GBE1: variants seen among roughly 807,000 people sequenced by gnomAD.
GBE1 encodes the protein 1,4-alpha-glucan branching enzyme 1.
GBE1 carries 70 observed loss-of-function variants against 88.8 expected under a neutral mutation model. The ratio of observed to expected loss-of-function variants is 0.79; its 90% CI spans 0.65 to 0.96. The LOEUF is 0.96. Ranked by LOEUF, GBE1 falls within the 40% of genes least tolerant of loss-of-function variation. The pLI, the probability that GBE1 is intolerant of heterozygous loss-of-function variation, is 0.00. For synonymous variants in GBE1, 284 were observed against 300.1 expected (o/e 0.95, Z 0.56); for missense variants, 872 against 871.0 (o/e 1.00, Z -0.01).
intron 14 of GBE1, among the ~76,000 whole-genome samples, chr3:81,533,772 G>GT (rs1187809972): frequency 1.3e-5 from 2 of 152,072 alleles, no homozygotes; most frequent in Non-Finnish European, 1.5e-5. Flanking sequence ...TGCTAAAGAA[G>GT]TAAGTTTATT....
chr3:81,675,530 T>C lies in GBE1; in HGVS notation c.314-4577A>G, dbSNP rs112321932. Among the ~76,000 whole-genome samples the C allele has an allele frequency of 2.2e-4, 34 of 152,166 alleles. 1 individual carries two copies. Among genetic ancestry groups the C allele is most frequent in the African/African-American group, 7.2e-4 (30 of 41,568 alleles). On this transcript the variant is annotated intron_variant, in intron 2 of 15. Coordinates refer to ENST00000429644, the MANE Select transcript of GBE1 (RefSeq NM_000158.4). ...TACTATTATTAGTGTCTACAGATAA[T>C]ATTCTCTATGATATTCACACCGAAA...
intron 3 of GBE1, among the ~76,000 whole-genome samples, chr3:81,665,603 T>C (rs1705104088): frequency 1.3e-5 from 2 of 152,018 alleles, no homozygotes; most frequent in Non-Finnish European, 1.5e-5. Context: ...CTTGTAAACA[T>C]TTTCTTTCTA....
intron 2 of GBE1, among the ~76,000 whole-genome samples, chr3:81,675,699 C>T (rs1705242516): frequency 6.6e-6 from 1 of 151,988 alleles, no homozygotes; most frequent in South Asian, 2.1e-4. Flanking sequence ...CATTATCTAC[C>T]ATAACCTAGA....
At chr3:81,542,629 CATTTCAATACCATATAATGGT>C (rs1703156604) in intron 12 of GBE1, among the ~76,000 whole-genome samples, 2 of 151,880 alleles carry the variant, frequency 1.3e-5, no homozygotes, top group African/African-American at 4.8e-5. Context: ...AAATATTTGT[CATTTCAATACCATATAATGGT>C]ATTGAAAAAT....
Position 81,733,931 on chromosome 3 carries a change from G to A in GBE1, c.143+27444C>T, listed in dbSNP as rs1264231514. On this transcript the variant is annotated intron_variant, in intron 1 of 15. Transcript: ENST00000429644. This position sits in a 1 kb window ranked among gnomAD's most constrained non-coding sequence, Gnocchi z 4.0. ...TTCTGTTTCTACACTTGAACAAAAG[G>A]TGAGAGTTGTACAAATTTGCCTTTC... is the stretch of plus-strand genomic sequence containing the variant. 1.3e-5 allele frequency among the ~76,000 whole-genome samples: 2 copies of A among 152,108 alleles called. No individual in the cohort carries two copies. The highest frequency in any genetic ancestry group is 1.3e-4 in the Admixed American group (2 of 15,254).
chr3:81,741,854 G>GT (rs977263651), intron 1 of GBE1, among the ~76,000 whole-genome samples: 1 of 146,992 alleles, frequency 6.8e-6, no homozygotes, highest in Admixed American at 6.8e-5. Flanking sequence ...ATAATATATA[G>GT]TTTTTTATAT....
rs1164725104 is a variant in GBE1 at position 81,761,580 on chromosome 3, A to C, written c.-63T>G. ...CGAGTGGGGCCTGAGCGGGCGCTGG[A>C]GCTCTAGCTGGGACGCGGCGGCTAG... On this transcript the variant is annotated 5_prime_UTR_variant, in exon 1 of 16. Transcript: ENST00000429644. 1.3e-6 allele frequency: 2 copies of C among 1,535,818 alleles called. No individual in the cohort carries two copies. The highest frequency in any genetic ancestry group is 1.7e-6 in the Non-Finnish European group (2 of 1,143,206).
At chr3:81,718,009 T>C (rs1425361105) in intron 1 of GBE1, among the ~76,000 whole-genome samples, 2 of 151,538 alleles carry the variant, frequency 1.3e-5, no homozygotes, top group South Asian at 2.1e-4. Flanking sequence ...AGAAGGAATC[T>C]TACTCTCTAA....
At chr3:81,625,158 C>A (rs1704395298) in intron 7 of GBE1, among the ~76,000 whole-genome samples, 5 of 151,802 alleles carry the variant, frequency 3.3e-5, no homozygotes, top group Admixed American at 3.3e-4. Context: ...ACACAGAAAC[C>A]AAGAATAGAA....
At chr3:81,636,369 G>C (rs899271886) in intron 7 of GBE1, among the ~76,000 whole-genome samples, 19 of 152,086 alleles carry the variant, frequency 1.2e-4, no homozygotes, top group African/African-American at 4.1e-4. Flanking sequence ...GGGACACTCA[G>C]TACTCTCAAA....
At chr3:81,743,831 C>T (rs187077281) in intron 1 of GBE1, among the ~76,000 whole-genome samples, 40 of 152,196 alleles carry the variant, frequency 2.6e-4, no homozygotes, top group African/African-American at 5.8e-4. Flanking sequence ...AAAAGGTCAA[C>T]GTGGACTAGC....
intron 15 of GBE1, among the ~76,000 whole-genome samples, chr3:81,496,847 G>T (rs1233633986): frequency 6.6e-6 from 1 of 152,136 alleles, no homozygotes; most frequent in Non-Finnish European, 1.5e-5. Context: ...ATCATCTGGA[G>T]CCTAAAGGTG....
chr3:81,760,954 A>G (rs1706671905), intron 1 of GBE1, among the ~76,000 whole-genome samples: 1 of 152,258 alleles, frequency 6.6e-6, no homozygotes, highest in South Asian at 2.1e-4. Context: ...AGAAAGTTTT[A>G]AATGCGTAAT....
intron 2 of GBE1, among the ~76,000 whole-genome samples, chr3:81,701,757 T>C (rs1176019425): frequency 6.6e-6 from 1 of 152,036 alleles, no homozygotes; most frequent in Admixed American, 6.6e-5. Flanking sequence ...ATTTATTTTT[T>C]ATTTGTATTT....
rs562910011 is a variant in GBE1 at position 81,633,873 on chromosome 3, T to C, written c.992+8908A>G. On this transcript the variant is annotated intron_variant, in intron 7 of 15. Coordinates refer to ENST00000429644, the MANE Select transcript of GBE1 (RefSeq NM_000158.4). The stretch of plus-strand genomic sequence containing the variant: ...CCAGAGATAGCCTTAGTGACTGGTT[T>C]TTATCCATCCTGCATGTATGTTGCT... 8.4e-4 allele frequency among the ~76,000 whole-genome samples: 128 copies of C among 152,306 alleles called. 1 individual carries two copies. The South Asian group carries it at 0.021, about 25-fold the overall frequency.
chr3:81,681,578 T>G (rs1020498573), intron 2 of GBE1, among the ~76,000 whole-genome samples: 6 of 152,132 alleles, frequency 3.9e-5, no homozygotes, highest in African/African-American at 1.4e-4. Context: ...CCAATAAAGT[T>G]AAAATAATGG....
chr3:81,662,960 A>G (rs1463768631), intron 3 of GBE1, among the ~76,000 whole-genome samples: 1 of 152,206 alleles, frequency 6.6e-6, no homozygotes, highest in Non-Finnish European at 1.5e-5. Context: ...ATAGGGATCA[A>G]TTGGTTTTGC....
chr3:81,543,312 A>G (rs1469973302), intron 12 of GBE1, among the ~76,000 whole-genome samples: 7 of 152,138 alleles, frequency 4.6e-5, no homozygotes, highest in African/African-American at 1.7e-4. Context: ...GTGATTGTAG[A>G]CAAAACATTC....
At chr3:81,756,605 T>C (rs1026841206) in intron 1 of GBE1, among the ~76,000 whole-genome samples, 2 of 152,144 alleles carry the variant, frequency 1.3e-5, no homozygotes, top group Admixed American at 1.3e-4. Context: ...ATGCATAGGA[T>C]AGTGGTCCAA....
Sources: allele counts gnomAD v4.1 joint callset (sites outside exome capture counted in the v4.1 genomes callset), GRCh38; gene constraint gnomAD v4.1.1; non-coding constraint Gnocchi (gnomAD v3.1); transcripts MANE v1.5; gene names NCBI Gene and HGNC (gene_info 2026-07-23, HGNC 2026-07-21).